The following ANKFY1 variants were observed in gnomAD, a reference collection of about 807,000 sequenced individuals.
ANKFY1 encodes ankyrin repeat and FYVE domain-containing protein 1.
Under a neutral mutation model 128.3 loss-of-function variants are expected in ANKFY1, and 47 were observed. The observed-to-expected ratio is 0.37, with a 90% CI of 0.29 to 0.47. ANKFY1 has a LOEUF of 0.47. Ranked by LOEUF, ANKFY1 falls within the 20% of genes least tolerant of loss-of-function variation. The pLI, the probability that ANKFY1 is intolerant of heterozygous loss-of-function variation, is 1.00. For missense variants in ANKFY1, 1,222 were observed against 1,510.6 expected, an observed-to-expected ratio of 0.81 and a Z score of 3.17; for synonymous variants, 553 against 601.6, an observed-to-expected ratio of 0.92 and a Z score of 1.18.
rs1225163234 is a variant in ANKFY1, at chr17:4,183,539, A to G, written c.1811T>C (p.Ile604Thr). The G allele has an allele frequency of 6.2e-7, 1 of 1,612,148 alleles. No homozygotes were observed. Among genetic ancestry groups the G allele is most frequent in the African/African-American group, 1.3e-5 (1 of 74,858 alleles). Residue 604 changes from isoleucine (I) to threonine (T), a missense_variant, in exon 14 of 25, where the codon ATC becomes ACC. Coordinates refer to ENST00000341657, the MANE Select transcript of ANKFY1 (RefSeq NM_001330063.2). ...GLALWTGMHT[I>T]AAQLLGSGAA... is the part of the protein sequence containing the mutation. ...TCCAGAGCCCAGCAGCTGGGCTGCG[A>G]TCGTGTGCATGCCTGGGAAACAAGC...
At chr17:4,241,438 C>T (rs1336637104) in intron 2 of ANKFY1, among the ~76,000 whole-genome samples, 2 of 151,848 alleles carry the variant, frequency 1.3e-5, no homozygotes, top group African/African-American at 2.4e-5. Flanking sequence ...CACCACCATG[C>T]GCGGCGAATT....
intron 3 of ANKFY1, among the ~76,000 whole-genome samples, chr17:4,230,386 C>T (rs955383443): frequency 2.6e-5 from 4 of 152,192 alleles, no homozygotes; most frequent in African/African-American, 9.7e-5. Context: ...AAGTATGCAA[C>T]AAACTCTAGC....
intron 13 of ANKFY1, 110 bp from the exon 14 acceptor site, chr17:4,183,661 G>A: frequency 1.4e-6 from 2 of 1,450,532 alleles, no homozygotes; most frequent in African/African-American, 2.8e-5. Context: ...TTTTCCACTG[G>A]ATCTAACAGG....
chr17:4,175,710 T>C (rs2143001532), intron 19 of ANKFY1, among the ~76,000 whole-genome samples: 1 of 152,272 alleles, frequency 6.6e-6, no homozygotes, highest in East Asian at 1.9e-4. Flanking sequence ...TATGGGACTC[T>C]CCATACGGGA....
At chr17:4,235,351 A>AAG (rs574703238) in intron 3 of ANKFY1, among the ~76,000 whole-genome samples, 1 of 151,484 alleles carries the variant, frequency 6.6e-6, no homozygotes, top group East Asian at 1.9e-4. Flanking sequence ...AAAAAAAAAA[A>AAG]AAAAGAAAAA....
At chr17:4,225,478 ATAAAAT>A (rs1431642644) in intron 3 of ANKFY1, among the ~76,000 whole-genome samples, 1 of 152,174 alleles carries the variant, frequency 6.6e-6, no homozygotes, top group Non-Finnish European at 1.5e-5. Context: ...CCTCCTGGAA[ATAAAAT>A]TAAACCTCAA....
At chr17:4,187,477 G>A (rs2059632635) in intron 11 of ANKFY1, 1 of 386,456 alleles carries the variant, frequency 2.6e-6, no homozygotes, top group Non-Finnish European at 4.6e-6. Context: ...TGGCTCTTCT[G>A]TCCCCACAGG....
chr17:4,180,302 C>T (rs1297288107), intron 16 of ANKFY1: 1 of 165,784 alleles, frequency 6.0e-6, no homozygotes, highest in Non-Finnish European at 1.3e-5. Context: ...GTGGTGCGCG[C>T]CCATCCCACC....
In ANKFY1 at chr17:4,169,215, G is replaced by T; in HGVS notation, c.3360C>A (p.Thr1120=). Reference sequence around the variant, plus strand: ...GGTCTTACCAGTGGTGTTTGCGAGTGGTGACTCCGAACCTGGCAGTGCACT... The same window carrying T: ...GGTCTTACCAGTGGTGTTTGCGAGTTGTGACTCCGAACCTGGCAGTGCACT... ...CYECTARFGV[T]TRKHHCRHCG... Residue 1120 remains threonine (T), a synonymous_variant, in exon 24 of 25, where the codon ACC becomes ACA. Transcript: ENST00000341657. This position sits in a 1 kb window ranked among gnomAD's most constrained non-coding sequence, Gnocchi z 5.0. 6.4e-7 allele frequency: 1 copy of T among 1,552,620 alleles called. No individual in the cohort carries two copies. Among genetic ancestry groups the T allele is most frequent in the Non-Finnish European group, 8.7e-7 (1 of 1,147,558 alleles).
Position 4,177,273 on chromosome 17 carries a change from A to G in ANKFY1, c.2628T>C (p.His876=). ...QVDNKGRNFL[H]VAVQNSDIES... The stretch of plus-strand genomic sequence containing the variant: ...CAATATCAGAGTTCTGAACTGCCAC[A>G]TGAAGGAAATTCCGGCCCTTGTTAT... The change falls in exon 19 of 25, where the codon CAT becomes CAC. Residue 876 remains histidine, a synonymous_variant. Coordinates refer to ENST00000341657, the MANE Select transcript of ANKFY1 (RefSeq NM_001330063.2). The G allele has an allele frequency of 6.3e-7, 1 of 1,596,220 alleles. No individual in the cohort carries two copies. The highest frequency in any genetic ancestry group is 8.5e-7 in the Non-Finnish European group (1 of 1,171,468).
At chr17:4,260,294 T>C (rs941536368) in intron 1 of ANKFY1, among the ~76,000 whole-genome samples, 5 of 152,048 alleles carry the variant, frequency 3.3e-5, no homozygotes, top group South Asian at 2.1e-4. Flanking sequence ...AAACTTTTAA[T>C]TGGAACCTTT....
At chr17:4,231,659 A>T (rs577412426) in intron 3 of ANKFY1, among the ~76,000 whole-genome samples, 2 of 152,078 alleles carry the variant, frequency 1.3e-5, no homozygotes. Flanking sequence ...CTCATAATCA[A>T]GGCTGTGTGC....
Position 4,202,871 on chromosome 17 carries a change from A to T in ANKFY1, c.898+3450T>A, listed in dbSNP as rs566151121. Among the ~76,000 whole-genome samples, 178 of 130,748 alleles carry T rather than the reference A, an allele frequency of 1.4e-3. 2 individuals are homozygous for T. Among genetic ancestry groups the T allele is most frequent in the African/African-American group, 3.9e-3 (157 of 39,946 alleles). The allele number at this position is 130,748 out of a possible 152,430, so 85.8% of individuals were successfully genotyped here. On this transcript the variant is annotated intron_variant, in intron 7 of 24. Coordinates refer to ENST00000341657, the MANE Select transcript of ANKFY1 (RefSeq NM_001330063.2). ...CAGATGGATAGCATGATAAAAAAAA[A>T]TTTTATATCTTAAATCCTTAAGTCC...
At chr17:4,247,028 G>A (rs1035196891) in intron 1 of ANKFY1, among the ~76,000 whole-genome samples, 3 of 151,808 alleles carry the variant, frequency 2.0e-5, no homozygotes, top group East Asian at 1.9e-4. Flanking sequence ...CAGAAGGCTC[G>A]CTTGAGCCTG....
Position 4,235,813 on chromosome 17 carries a change from C to T in ANKFY1, c.281G>A (p.Ser94Asn), listed in dbSNP as rs1966881410. 3 of 1,614,216 alleles carry T rather than the reference C, an allele frequency of 1.9e-6. No homozygotes were observed. Among genetic ancestry groups the T allele is most frequent in the Non-Finnish European group, 2.5e-6 (3 of 1,180,046 alleles). Reference sequence around the variant, plus strand: ...TTTAGTGGAAGACAAGTTAGCCAGACTCCAGCTGTCACTGCGGGCTGCCAG... The same window carrying T: ...TTTAGTGGAAGACAAGTTAGCCAGATTCCAGCTGTCACTGCGGGCTGCCAG... Reference protein sequence around the residue: ...FVLAARSDSWSLANLSSTKEL... With the variant: ...FVLAARSDSWNLANLSSTKEL... The change falls in exon 3 of 25, where the codon AGT (serine) becomes AAT (asparagine). Residue 94 changes from serine (S) to asparagine (N), a missense_variant. By Grantham distance (46) the Ser-to-Asn change is conservative. Transcript: ENST00000341657.
chr17:4,164,606 T>C lies in ANKFY1; in HGVS notation c.*3173A>G, dbSNP rs4790177. The C allele has an allele frequency of 0.94, 143,372 of 152,352 alleles. 68,092 individuals are homozygous for C. The highest frequency in any genetic ancestry group is 1 in the East Asian group (5,178 of 5,178). The allele number at this position is 152,352 out of a possible 1,614,324, so 9.4% of individuals were successfully genotyped here. On this transcript the variant is annotated 3_prime_UTR_variant, in exon 25 of 25. Coordinates refer to ENST00000341657, the MANE Select transcript of ANKFY1 (RefSeq NM_001330063.2). ...GTTAGCGTTAGCTTGCCTTTCAGGG[T>C]GAAGCATTACATAGTTCAAAAGTGT...
intron 1 of ANKFY1, among the ~76,000 whole-genome samples, chr17:4,254,661 A>C (rs1679207634): frequency 6.6e-6 from 1 of 152,212 alleles, no homozygotes; most frequent in Non-Finnish European, 1.5e-5. Flanking sequence ...AAACTAAAAC[A>C]CCTATACTTA....
intron 1 of ANKFY1, 140 bp downstream of exon 1, chr17:4,263,792 G>A: frequency 1.3e-6 from 2 of 1,599,006 alleles, no homozygotes; most frequent in Non-Finnish European, 8.5e-7. Flanking sequence ...GCTCCGGAGA[G>A]GCTAGACAGG....
chr17:4,196,222 A>G (rs916270301), intron 8 of ANKFY1, among the ~76,000 whole-genome samples: 2 of 151,636 alleles, frequency 1.3e-5, no homozygotes, highest in Non-Finnish European at 2.9e-5. Flanking sequence ...GAGGAAAAAA[A>G]TGAAAGAATC....
Sources: gnomAD v4.1 joint callset for allele counts (sites outside exome capture counted in the v4.1 genomes callset) on GRCh38, gnomAD v4.1.1 for gene constraint, Gnocchi (gnomAD v3.1) non-coding constraint, MANE v1.5 for transcripts, NCBI Gene and HGNC (gene_info 2026-07-23, HGNC 2026-07-21) for gene names.